Variants in CPVL observed in about 807,000 individuals in gnomAD.
CPVL encodes probable serine carboxypeptidase CPVL.
CPVL carries 51 observed loss-of-function variants against 63.7 expected under a neutral mutation model. That is an observed-to-expected ratio of 0.80 (90% CI 0.64 to 1.01). The LOEUF (loss-of-function observed/expected upper bound fraction) is 1.01, where lower values mean the gene tolerates loss of function less well. Among genes scored for constraint, CPVL ranks in the 50% least tolerant of loss-of-function variants. The pLI, the probability that CPVL is intolerant of heterozygous loss-of-function variation, is 0.00. For missense variants in CPVL, 530 were observed against 573.1 expected, an observed-to-expected ratio of 0.92 and a Z score of 0.77; for synonymous variants, 195 against 206.0, an observed-to-expected ratio of 0.95 and a Z score of 0.46.
intron 11 of CPVL, among the ~76,000 whole-genome samples, chr7:29,057,085 T>C (rs553719844): frequency 1.3e-5 from 2 of 151,546 alleles, no homozygotes; most frequent in Admixed American, 1.3e-4. Flanking sequence ...CAGGTAGCCA[T>C]GACTACAGGT....
intron 5 of CPVL, among the ~76,000 whole-genome samples, chr7:29,157,264 CCTG>C (rs1043031344): frequency 6.6e-5 from 10 of 152,214 alleles, no homozygotes; most frequent in African/African-American, 2.4e-4. Flanking sequence ...CCTCCCCCAC[CCTG>C]CTACACCCAT....
intron 3 of CPVL, among the ~76,000 whole-genome samples, chr7:29,111,900 T>G (rs1448621138): frequency 6.6e-6 from 1 of 152,176 alleles, no homozygotes; most frequent in Non-Finnish European, 1.5e-5. Context: ...GTAAAACAAA[T>G]CCAATTTGGA....
At chr7:29,054,053 T>C (rs1013008112) in intron 11 of CPVL, among the ~76,000 whole-genome samples, 3 of 152,150 alleles carry the variant, frequency 2.0e-5, no homozygotes, top group Admixed American at 6.5e-5. Flanking sequence ...GCCTAGGTAA[T>C]AGAGCAAGAT....
intron 1 of CPVL, among the ~76,000 whole-genome samples, chr7:29,135,797 C>T (rs1331855093): frequency 6.6e-6 from 1 of 152,194 alleles, no homozygotes; most frequent in Non-Finnish European, 1.5e-5. Flanking sequence ...CTTGCAGGCT[C>T]AAGCAATCAT....
Position 29,119,630 on chromosome 7 carries a change from T to A in CPVL, c.169+1263A>T, listed in dbSNP as rs374040353. ...ATAAAGCCAATTGCAAACACTCATA[T>A]TTGGAGAACAACTTATAGAGTACAA... On this transcript the variant is annotated intron_variant, in intron 2 of 12. Coordinates refer to ENST00000265394, the MANE Select transcript of CPVL (RefSeq NM_031311.5). Among the ~76,000 whole-genome samples the A allele has an allele frequency of 5.5e-4, 84 of 152,322 alleles. No individual in the cohort carries two copies. The South Asian group carries it at 0.011, about 20-fold the overall frequency.
At chr7:29,030,395 T>TTAA (rs1787907249) in intron 12 of CPVL, among the ~76,000 whole-genome samples, 182 bp downstream of exon 12, 1 of 152,190 alleles carries the variant, frequency 6.6e-6, no homozygotes, top group Non-Finnish European at 1.5e-5. Flanking sequence ...GGTTTTATAT[T>TTAA]TAGTCCTATG....
At chr7:29,177,298 G>A (rs1256110082) in intron 5 of CPVL, among the ~76,000 whole-genome samples, 2 of 151,934 alleles carry the variant, frequency 1.3e-5, no homozygotes, top group East Asian at 1.9e-4. Context: ...CTGTCATCCA[G>A]GCTGGAGTGC....
At chr7:29,155,097 A>G (rs1200224120) in intron 5 of CPVL, among the ~76,000 whole-genome samples, 2 of 152,120 alleles carry the variant, frequency 1.3e-5, no homozygotes, top group Non-Finnish European at 2.9e-5. Flanking sequence ...ACCTGCCCCC[A>G]TGATTCAATT....
intron 11 of CPVL, among the ~76,000 whole-genome samples, chr7:29,054,069 CACAAAACAAAACAAAACA>C (rs1562743553): frequency 6.6e-6 from 1 of 151,872 alleles, no homozygotes; most frequent in African/African-American, 2.4e-5. Context: ...AAGATCCTGT[CACAAAACAAAACAAAACA>C]AAACAAACAA....
chr7:29,082,176 G>A (rs368449228), intron 7 of CPVL: 1 of 149,332 alleles, frequency 6.7e-6, no homozygotes, highest in South Asian at 2.1e-4. Flanking sequence ...TGGCAGCAGC[G>A]AGAGGGAAAA....
intron 1 of CPVL, among the ~76,000 whole-genome samples, chr7:29,137,298 G>A (rs915022865): frequency 6.6e-6 from 1 of 152,158 alleles, no homozygotes; most frequent in East Asian, 1.9e-4. Flanking sequence ...CTGGCCCTCC[G>A]TGGAGTGCAC....
At chr7:28,999,996 G>A (rs1216631392) in intron 12 of CPVL, among the ~76,000 whole-genome samples, 1 of 152,034 alleles carries the variant, frequency 6.6e-6, no homozygotes, top group East Asian at 1.9e-4. Flanking sequence ...CTGTAATTAC[G>A]TATTTAAATG....
chr7:29,103,813 A>G (rs942186450), intron 3 of CPVL, among the ~76,000 whole-genome samples: 1 of 152,354 alleles, frequency 6.6e-6, no homozygotes, highest in African/African-American at 2.4e-5. Flanking sequence ...GAGAAGTGCA[A>G]TTAGTAAATT....
At chr7:29,109,019 C>T (rs1482699911) in intron 3 of CPVL, among the ~76,000 whole-genome samples, 1 of 152,166 alleles carries the variant, frequency 6.6e-6, no homozygotes, top group Non-Finnish European at 1.5e-5. Context: ...TTAATCTCTT[C>T]ATCTATAAAA....
At chr7:29,066,734 T>C (rs1783170815) in intron 9 of CPVL, among the ~76,000 whole-genome samples, 1 of 152,142 alleles carries the variant, frequency 6.6e-6, no homozygotes, top group African/African-American at 2.4e-5. Context: ...TGCAGGTTCC[T>C]GGAGCTGGTG....
Position 29,023,549 on chromosome 7 carries a change from C to A in CPVL, c.1320+7028G>T, listed in dbSNP as rs1603911. On this transcript the variant is annotated intron_variant, in intron 12 of 12. Transcript: ENST00000265394. ...GACTCAGCCAAATAATATGAAGGCC[C>A]AAGGATCAGCCCACTCAGACCTGCT... 1.3e-4 allele frequency among the ~76,000 whole-genome samples: 19 copies of A among 151,994 alleles called. 1 individual carries two copies. The highest frequency in any genetic ancestry group is 1.1e-3 in the Admixed American group (17 of 15,260).
intron 11 of CPVL, among the ~76,000 whole-genome samples, chr7:29,034,661 TTTAA>T (rs1788346274): frequency 6.6e-6 from 1 of 151,996 alleles, no homozygotes; most frequent in Admixed American, 6.6e-5. Flanking sequence ...CTTTAAAAAG[TTTAA>T]TTAATTAATT....
chr7:29,125,803 T>C (rs1407995936), intron 1 of CPVL, among the ~76,000 whole-genome samples: 5 of 152,210 alleles, frequency 3.3e-5, no homozygotes, highest in Non-Finnish European at 5.9e-5. Flanking sequence ...TGTTAAAGGA[T>C]GGAGTAAATA....
chr7:29,062,939 C>T (rs1369137859), intron 11 of CPVL, among the ~76,000 whole-genome samples: 3 of 152,106 alleles, frequency 2.0e-5, no homozygotes, highest in Non-Finnish European at 4.4e-5. Flanking sequence ...GGTGGTCTCC[C>T]CAGTCATCAG....
Sources: gnomAD v4.1 joint callset for allele counts (sites outside exome capture counted in the v4.1 genomes callset) on GRCh38, gnomAD v4.1.1 for gene constraint, MANE v1.5 for transcripts, NCBI Gene and HGNC (gene_info 2026-07-23, HGNC 2026-07-21) for gene names.